PHKA2: variants seen among roughly 807,000 people sequenced by gnomAD.
PHKA2 encodes phosphorylase b kinase regulatory subunit alpha, liver isoform.
PHKA2 carries 31 observed loss-of-function variants against 102.0 expected under a neutral mutation model. That is an observed-to-expected ratio of 0.30 (90% CI 0.23 to 0.41). PHKA2 has a LOEUF of 0.41. Among genes scored for constraint, PHKA2 ranks in the 10% least tolerant of loss-of-function variants. The pLI is 1.00. For synonymous variants in PHKA2, 455 were observed against 416.2 expected (o/e 1.09, Z -1.13); for missense variants, 858 against 1,023.1 (o/e 0.84, Z 2.20).
rs758366632 is a variant in PHKA2 at position 18,926,442 on chromosome X, C to A, written c.1459+11G>T. 5 of 1,201,332 alleles carry A rather than the reference C, an allele frequency of 4.2e-6. No individual in the cohort carries two copies. The East Asian group carries it at 1.5e-4, about 36-fold the overall frequency. ...ATGCCAAAAAGGCCCAGGTAATTTC[C>A]CCAAACCTACCAAGCTTGGCATATA... On this transcript the variant is annotated intron_variant, in intron 14 of 32. Transcript: ENST00000379942.
In PHKA2 at chrX:18,892,739, T is replaced by TTGTC. The variant is rs2147795865; in HGVS notation, c.*742_*745dup. 1 of 108,876 alleles carries TTGTC rather than the reference T, an allele frequency of 9.2e-6. No individual in the cohort carries two copies. The highest frequency in any genetic ancestry group is 3.4e-5 in the African/African-American group (1 of 29,653). 9.0% of individuals were successfully genotyped at this position (108,876 alleles called of 1,213,427 possible). ...TGCTTGCCTGGCTATAAGAGGAGCC[T>TTGTC]TGTCTTTTTTTTTTTTTTTTTCTAG... On this transcript the variant is annotated 3_prime_UTR_variant, in exon 33 of 33. Transcript: ENST00000379942.
intron 1 of PHKA2, among the ~76,000 whole-genome samples, chrX:18,958,857 A>G (rs904422046): frequency 4.5e-5 from 5 of 111,119 alleles, no homozygotes; most frequent in Non-Finnish European, 9.4e-5. Context: ...TTACAGGCAC[A>G]TGCCACCACA....
intron 5 of PHKA2, 100 bp from the exon 6 acceptor site, chrX:18,945,258 A>G (rs767433903): frequency 9.3e-6 from 5 of 539,288 alleles, no homozygotes; most frequent in South Asian, 2.5e-5. Flanking sequence ...ACACTGAAAC[A>G]TAAGTGGATC....
chrX:18,916,430 G>C (rs1433524599), intron 19 of PHKA2, among the ~76,000 whole-genome samples: 3 of 111,902 alleles, frequency 2.7e-5, no homozygotes, highest in African/African-American at 9.7e-5. Context: ...TGATACTCTT[G>C]TCTCAAACAA....
At chrX:18,948,242 G>A (rs906021964) in intron 5 of PHKA2, among the ~76,000 whole-genome samples, 3 of 112,305 alleles carry the variant, frequency 2.7e-5, no homozygotes, top group Non-Finnish European at 5.6e-5. Context: ...GGGAGGCCGA[G>A]GCAGGAGGAT....
chrX:18,952,628 G>A, intron 2 of PHKA2, 87 bp from the exon 3 acceptor site: 1 of 918,915 alleles, frequency 1.1e-6, no homozygotes, highest in Non-Finnish European at 1.6e-6. Context: ...TGGCAAGCCA[G>A]TGCTGCCCAG....
chrX:18,910,944 CAA>C lies in PHKA2; in HGVS notation c.2152_2153del (p.Leu718AlafsTer3). ...GLEVPFVPMTLPTKVLSAHRK... is the reference protein window; with the variant it reads ...GLEVPFVPMTXPTKVLSAHRK... Reference sequence around the variant, plus strand: ...GGTGGGCACTTAGAACTTTAGTCGGCAAAGTCATGGGAACAACTGGAAAACAA... The same window carrying C: ...GGTGGGCACTTAGAACTTTAGTCGGCAGTCATGGGAACAACTGGAAAACAA... On this transcript the variant is annotated frameshift_variant, in exon 20 of 33. Transcript: ENST00000379942. LOFTEE classifies it high-confidence loss of function. 8.5e-7 allele frequency: 1 copy of C among 1,177,669 alleles called. No homozygotes were observed. The highest frequency in any genetic ancestry group is 1.2e-6 in the Non-Finnish European group (1 of 868,654).
At chrX:18,972,961 C>G (rs2049036033) in intron 1 of PHKA2, among the ~76,000 whole-genome samples, 1 of 112,299 alleles carries the variant, frequency 8.9e-6, no homozygotes, top group South Asian at 3.6e-4. Flanking sequence ...TTTCACATTA[C>G]CCTTTATCAA....
At chrX:18,960,943 G>A (rs950660019) in intron 1 of PHKA2, among the ~76,000 whole-genome samples, 3 of 112,537 alleles carry the variant, frequency 2.7e-5, no homozygotes, top group Non-Finnish European at 5.6e-5. Flanking sequence ...AAGATCTAAA[G>A]ACAATCCAAG....
chrX:18,948,660 C>G (rs1385344493), intron 5 of PHKA2, 84 bp downstream of exon 5: 7 of 638,357 alleles, frequency 1.1e-5, no homozygotes, highest in Non-Finnish European at 1.8e-5. Flanking sequence ...GAGCCCCAAA[C>G]AGCCTGGCCC....
At chrX:18,910,227 C>T (rs962673561) in intron 20 of PHKA2, among the ~76,000 whole-genome samples, 2 of 112,520 alleles carry the variant, frequency 1.8e-5, no homozygotes, top group African/African-American at 6.5e-5. Flanking sequence ...CGCCTGTAAT[C>T]CCAGCACTTT....
Position 18,892,562 on chromosome X carries a change from C to G in PHKA2, c.*923G>C, listed in dbSNP as rs1432748937. 2 of 111,854 alleles carry G rather than the reference C, an allele frequency of 1.8e-5. No individual in the cohort carries two copies. Among genetic ancestry groups the G allele is most frequent in the Non-Finnish European group, 3.8e-5 (2 of 53,211 alleles). The allele number at this position is 111,854 out of a possible 1,213,427, so 9.2% of individuals were successfully genotyped here. On this transcript the variant is annotated 3_prime_UTR_variant, in exon 33 of 33. Transcript: ENST00000379942. ...CCTGGCTCTATTTTTCAGAGGGAAG[C>G]ATTGTTTCTGCGGGGACATGCCTGT...
At chrX:18,895,484 C>T in intron 30 of PHKA2, 1 of 338,746 alleles carries the variant, frequency 3.0e-6, no homozygotes, top group Non-Finnish European at 5.2e-6. Context: ...TACTTGGCAA[C>T]TGGGCCCGGG....
intron 4 of PHKA2, 67 bp from the exon 5 acceptor site, chrX:18,948,893 T>TA (rs2048630422): frequency 2.8e-6 from 2 of 713,905 alleles, no homozygotes; most frequent in Admixed American, 2.3e-5. Flanking sequence ...AAATTACAAA[T>TA]ATCACACTAG....
chrX:18,907,953 G>T lies in PHKA2; in HGVS notation c.2464C>A (p.Leu822Met). Residue 822 changes from leucine (L) to methionine (M), a missense_variant, in exon 22 of 33, where the codon CTG becomes ATG. Transcript: ENST00000379942. ...AGAAGGCCTGAGATGTAGCGAATCA[G>T]ACCCCACTCCTGGTTCAAGCCGGCT... is the stretch of plus-strand genomic sequence containing the variant. ...GKAGLNQEWGLIRYISGLLRK... is the reference protein window; with the variant it reads ...GKAGLNQEWGMIRYISGLLRK... 1 of 1,211,393 alleles carries T rather than the reference G, an allele frequency of 8.3e-7. No homozygotes were observed. Among genetic ancestry groups the T allele is most frequent in the Non-Finnish European group, 1.1e-6 (1 of 895,137 alleles).
intron 12 of PHKA2, 67 bp from the exon 13 acceptor site, chrX:18,929,373 G>A (rs959313062): frequency 2.7e-6 from 2 of 753,570 alleles, no homozygotes; most frequent in Non-Finnish European, 4.0e-6. Flanking sequence ...AAACTGAAGT[G>A]TGAAAATGAA....
chrX:18,938,735 C>T lies in PHKA2; in HGVS notation c.933G>A (p.Leu311=), dbSNP rs746027611. The T allele has an allele frequency of 2.4e-5, 29 of 1,205,084 alleles. No homozygotes were observed. Among genetic ancestry groups the T allele is most frequent in the Admixed American group, 4.4e-5 (2 of 45,871 alleles). The change falls in exon 10 of 33, where the codon CTG becomes CTA. Residue 311 remains leucine, a synonymous_variant. Coordinates refer to ENST00000379942, the MANE Select transcript of PHKA2 (RefSeq NM_000292.3). ...YKTPREDPNR[L]HYDPAELKLF... ...GCTTGAGTTCAGCAGGGTCATAATG[C>T]AGTCGATTAGGGTCCTAGAATCAAA...
intron 1 of PHKA2, among the ~76,000 whole-genome samples, chrX:18,957,523 T>C (rs1432485900): frequency 9.0e-6 from 1 of 111,239 alleles, no homozygotes; most frequent in African/African-American, 3.3e-5. Context: ...CATATGTTGC[T>C]TTCCAATCTT....
At chrX:18,936,212 G>A (rs968932324) in intron 10 of PHKA2, 62 bp from the exon 11 acceptor site, 15 of 774,724 alleles carry the variant, frequency 1.9e-5, no homozygotes, top group Admixed American at 7.5e-5. Flanking sequence ...CTGTAACAGC[G>A]GTGCAACATA....
Sources: gnomAD v4.1 joint callset for allele counts (sites outside exome capture counted in the v4.1 genomes callset) on GRCh38, gnomAD v4.1.1 for gene constraint, MANE v1.5 for transcripts, NCBI Gene and HGNC (gene_info 2026-07-23, HGNC 2026-07-21) for gene names.